The following TANK variants were observed in gnomAD, a reference collection of about 807,000 sequenced individuals.
TANK encodes the protein TRAF family member associated NFKB activator, also known as TRAF family member-associated NF-kappa-B activator.
Under a neutral mutation model 43.6 loss-of-function variants are expected in TANK, and 15 were observed. The ratio of observed to expected loss-of-function variants is 0.34; its 90% CI spans 0.23 to 0.53. TANK has a LOEUF of 0.53. TANK is among the 20% of genes least tolerant of loss of function. The pLI is 0.94. For synonymous variants in TANK, 162 were observed against 178.2 expected, an observed-to-expected ratio of 0.91 and a Z score of 0.73; for missense variants, 417 against 498.6, an observed-to-expected ratio of 0.84 and a Z score of 1.56.
chr2:161,167,401 T>C (rs1684731207), intron 1 of TANK, among the ~76,000 whole-genome samples: 1 of 152,206 alleles, frequency 6.6e-6, no homozygotes, highest in African/African-American at 2.4e-5. Context: ...CTACTTTCTT[T>C]ATCCAGGATT....
intron 1 of TANK, among the ~76,000 whole-genome samples, chr2:161,143,974 A>ACTGCC (rs1316949226): frequency 6.6e-6 from 1 of 152,198 alleles, no homozygotes; most frequent in African/African-American, 2.4e-5. Context: ...GGTATTAATT[A>ACTGCC]CTGCCCCAAT....
chr2:161,159,969 G>T (rs530362275), upstream of TANK, among the ~76,000 whole-genome samples: 1 of 152,156 alleles, frequency 6.6e-6, no homozygotes, highest in Non-Finnish European at 1.5e-5. Flanking sequence ...ATAAATTTAC[G>T]AGGATCTGTT....
chr2:161,166,146 C>T (rs1267076), intron 1 of TANK, among the ~76,000 whole-genome samples: 124,643 of 152,186 alleles, frequency 0.82, 51,209 homozygotes, highest in East Asian at 1. Flanking sequence ...ACCAGTGAGA[C>T]TGTCTTGTTT....
chr2:161,147,323 G>C, intron 1 of TANK, among the ~76,000 whole-genome samples: 1 of 152,208 alleles, frequency 6.6e-6, no homozygotes, highest in South Asian at 2.1e-4. Context: ...TTGGACAGCA[G>C]AGAGCTGCAG....
At chr2:161,165,878 A>G (rs1317833668) in intron 1 of TANK, among the ~76,000 whole-genome samples, 2 of 152,210 alleles carry the variant, frequency 1.3e-5, no homozygotes, top group African/African-American at 4.8e-5. Context: ...TTCACCTCAG[A>G]GGAGTAGAAC....
intron 2 of TANK, chr2:161,200,544 CT>C (rs34745380): frequency 1.0e-6 from 1 of 983,488 alleles, no homozygotes; most frequent in Non-Finnish European, 1.2e-6. Flanking sequence ...AATCTTTGTA[CT>C]TTTTTCTGAA....
chr2:161,154,712 T>C lies in TANK; in HGVS notation c.-50+17649T>C, dbSNP rs188811178. 2.0e-5 allele frequency among the ~76,000 whole-genome samples: 3 copies of C among 152,320 alleles called. No individual in the cohort carries two copies. In the East Asian group the frequency reaches 5.8e-4, roughly 29 times the overall value. ...ATTATGTGGACAATGTTTTAATTTC[T>C]TTCTTCCTCTATTAACATAAAAATT... On this transcript the variant is annotated intron_variant, in intron 1 of 7. Transcript: ENST00000259075.
At chr2:161,187,269 A>C (rs1574004784) in intron 2 of TANK, among the ~76,000 whole-genome samples, 1 of 152,116 alleles carries the variant, frequency 6.6e-6, no homozygotes, top group South Asian at 2.1e-4. Flanking sequence ...TGTACAAAAA[A>C]ACAAAAACAA....
At chr2:161,141,029 G>A (rs996808306) in intron 1 of TANK, among the ~76,000 whole-genome samples, 1 of 151,816 alleles carries the variant, frequency 6.6e-6, no homozygotes, top group Non-Finnish European at 1.5e-5. Flanking sequence ...TAGTTTATTC[G>A]GGTTTTCTTA....
chr2:161,235,780 T>C lies in TANK; in HGVS notation c.*262T>C, dbSNP rs750024467. ...TAATCCTTTGTATTCATGTTTACAG[T>C]GCTATTACTATAATTCAAAATTATG... On this transcript the variant is annotated 3_prime_UTR_variant, in exon 8 of 8. Transcript: ENST00000392749. The C allele has an allele frequency of 6.5e-5, 16 of 246,418 alleles. No homozygotes were observed. Among genetic ancestry groups the C allele is most frequent in the Non-Finnish European group, 1.1e-4 (14 of 130,350 alleles). The allele number at this position is 246,418 out of a possible 1,614,324, so 15.3% of individuals were successfully genotyped here.
intron 6 of TANK, among the ~76,000 whole-genome samples, chr2:161,230,673 A>G (rs1478689446): frequency 6.6e-6 from 1 of 152,228 alleles, no homozygotes; most frequent in Admixed American, 6.5e-5. Context: ...TATACACTAC[A>G]AGCAAATGTT....
chr2:161,176,570 C>T (rs960824692), intron 1 of TANK, among the ~76,000 whole-genome samples: 24 of 152,118 alleles, frequency 1.6e-4, no homozygotes, highest in Non-Finnish European at 1.3e-4. Context: ...TTTAGTGCTG[C>T]ATTTACATTT....
At position 161,182,853 on chromosome 2, in the gene TANK, C is replaced by T. The variant is rs530717438; in HGVS notation, c.99+3092C>T. On this transcript the variant is annotated intron_variant, in intron 2 of 7. Coordinates refer to ENST00000392749, the MANE Select transcript of TANK (RefSeq NM_001199135.3). ...TTCCTCCAGAGTATGCAGCAAGACC[C>T]TCTCTGGAATGAAGGTCTGATAACC... Among the ~76,000 whole-genome samples, 12 of 152,262 alleles carry T rather than the reference C, an allele frequency of 7.9e-5. No individual in the cohort carries two copies. The South Asian group carries it at 2.5e-3, about 32-fold the overall frequency.
chr2:161,164,090 TG>T (rs1184016656), intron 1 of TANK, among the ~76,000 whole-genome samples: 1 of 152,198 alleles, frequency 6.6e-6, no homozygotes, highest in Non-Finnish European at 1.5e-5. Context: ...TTTCCATTTA[TG>T]GGCTACTATA....
chr2:161,206,143 T>C (rs1175783353), intron 4 of TANK, among the ~76,000 whole-genome samples: 1 of 152,168 alleles, frequency 6.6e-6, no homozygotes, highest in Admixed American at 6.5e-5. Flanking sequence ...CAACTTTTTT[T>C]TTTAATAGAA....
intron 6 of TANK, among the ~76,000 whole-genome samples, chr2:161,229,272 G>T (rs998533006): frequency 1.3e-5 from 2 of 152,218 alleles, no homozygotes; most frequent in African/African-American, 4.8e-5. Flanking sequence ...TGGAGTGAAA[G>T]ATGAGCATGG....
intron 1 of TANK, among the ~76,000 whole-genome samples, chr2:161,147,851 A>C (rs1161807262): frequency 6.6e-6 from 1 of 152,012 alleles, no homozygotes; most frequent in Non-Finnish European, 1.5e-5. Flanking sequence ...TCAGTACTTC[A>C]TTTCTTTTTG....
intron 1 of TANK, among the ~76,000 whole-genome samples, chr2:161,172,418 C>T (rs1684992572): frequency 7.3e-6 from 1 of 137,084 alleles, no homozygotes; most frequent in South Asian, 2.4e-4. Flanking sequence ...CAAGGATGTA[C>T]TAGTATCAGG....
intron 1 of TANK, among the ~76,000 whole-genome samples, chr2:161,150,597 TTTTTTTTTTTTTC>T (rs796973711): frequency 0.014 from 2,094 of 145,506 alleles, 58 homozygotes; most frequent in African/African-American, 0.051. Flanking sequence ...TTCTTTTTTT[TTTTTTTTTTTTTC>T]TTTTGAGATG....
Sources: gnomAD v4.1 joint callset for allele counts (sites outside exome capture counted in the v4.1 genomes callset) on GRCh38, gnomAD v4.1.1 for gene constraint, MANE v1.5 for transcripts, NCBI Gene and HGNC (gene_info 2026-07-23, HGNC 2026-07-21) for gene names.